The following RFC2 variants were observed in gnomAD, a reference collection of about 807,000 sequenced individuals.
RFC2 encodes A1 40 kDa subunit.
A neutral mutation model predicts 44.8 loss-of-function variants in RFC2; 34 were observed. The ratio of observed to expected loss-of-function variants is 0.76; its 90% confidence interval spans 0.58 to 1.01. RFC2 has a LOEUF of 1.01. Ranked by LOEUF, RFC2 falls within the 50% of genes least tolerant of loss-of-function variation. The pLI is 0.00. For missense variants in RFC2, 400 were observed against 453.6 expected (o/e 0.88, Z 1.07); for synonymous variants, 177 against 168.9 (o/e 1.05, Z -0.37).
chr7:74,244,643 A>G (rs1195570567), intron 5 of RFC2, among the ~76,000 whole-genome samples: 1 of 150,974 alleles, frequency 6.6e-6, no homozygotes, highest in Non-Finnish European at 1.5e-5. Context: ...TGCTGGGATT[A>G]CAGGTGTGAG....
chr7:74,236,835 T>G (rs1803037219), intron 9 of RFC2, among the ~76,000 whole-genome samples: 1 of 152,180 alleles, frequency 6.6e-6, no homozygotes, highest in African/African-American at 2.4e-5. Flanking sequence ...GACATGTGCC[T>G]GTAGTCCCAG....
chr7:74,247,741 A>G (rs577124517), intron 4 of RFC2, among the ~76,000 whole-genome samples: 1 of 152,310 alleles, frequency 6.6e-6, no homozygotes, highest in South Asian at 2.1e-4. Context: ...ATTGATCAAT[A>G]AGCAAAATCT....
In RFC2 at chr7:74,254,364, C is replaced by G. The variant is rs782149081; in HGVS notation, c.20G>C (p.Cys7Ser). 33 of 1,607,790 alleles carry G rather than the reference C, an allele frequency of 2.1e-5. No individual in the cohort carries two copies. Among genetic ancestry groups the G allele is most frequent in the Non-Finnish European group, 2.7e-5 (32 of 1,177,244 alleles). ...GGCCTCCACCTCGCCCGCGCCACCA[C>G]AGACGGCCTCCACCTCCATTCTCGC... MEVEAV[C>S]GGAGEVEAQD... is the part of the protein sequence containing the mutation. Residue 7 changes from cysteine to serine, a missense_variant, in exon 1 of 11, where the codon TGT (cysteine) becomes TCT (serine). Coordinates refer to ENST00000055077, the MANE Select transcript of RFC2 (RefSeq NM_181471.3).
intron 2 of RFC2, among the ~76,000 whole-genome samples, chr7:74,251,252 G>C (rs1186496370): frequency 6.6e-6 from 1 of 152,114 alleles, no homozygotes; most frequent in Non-Finnish European, 1.5e-5. Flanking sequence ...CTGGGCTCAA[G>C]GGATCCTCCT....
At chr7:74,237,315 C>T (rs981831685) in intron 9 of RFC2, 47 bp downstream of exon 9, 3 of 1,373,212 alleles carry the variant, frequency 2.2e-6, no homozygotes, top group Admixed American at 1.9e-5. Flanking sequence ...CTCCTCTGCC[C>T]AAGAAGTGAG....
At chr7:74,237,265 T>C in intron 9 of RFC2, 97 bp downstream of exon 9, 2 of 741,362 alleles carry the variant, frequency 2.7e-6, no homozygotes, top group Non-Finnish European at 4.8e-6. Context: ...ATGAATGGAG[T>C]GATGTGTATA....
intron 7 of RFC2, among the ~76,000 whole-genome samples, chr7:74,239,630 C>T (rs1201355464): frequency 6.6e-6 from 1 of 152,144 alleles, no homozygotes; most frequent in African/African-American, 2.4e-5. Flanking sequence ...TGTGCCTGGC[C>T]ATGCCTGGCT....
intron 2 of RFC2, among the ~76,000 whole-genome samples, chr7:74,252,124 A>T (rs1214195757): frequency 7.7e-6 from 1 of 129,486 alleles, no homozygotes; most frequent in Non-Finnish European, 1.6e-5. Flanking sequence ...AAAAAAAAAA[A>T]AGGCCAGGTG....
At chr7:74,243,492 C>T (rs959191096) in intron 5 of RFC2, among the ~76,000 whole-genome samples, 1 of 152,100 alleles carries the variant, frequency 6.6e-6, no homozygotes, top group African/African-American at 2.4e-5. Context: ...CCACGATCTA[C>T]AAGGGCTGCC....
At chr7:74,235,750 G>A (rs1267576569) in intron 9 of RFC2, 105 bp from the exon 10 acceptor site, 8 of 742,608 alleles carry the variant, frequency 1.1e-5, no homozygotes, top group Admixed American at 2.0e-5. Flanking sequence ...CAGGTCACAT[G>A]GGGGTACCTT....
chr7:74,245,536 C>A (rs1803552647), intron 5 of RFC2, among the ~76,000 whole-genome samples: 1 of 145,722 alleles, frequency 6.9e-6, no homozygotes, highest in Admixed American at 7.0e-5. Flanking sequence ...CACAGTGAAA[C>A]CCCGTCTCTA....
chr7:74,237,285 G>T, intron 9 of RFC2, 77 bp downstream of exon 9: 1 of 927,350 alleles, frequency 1.1e-6, no homozygotes, highest in Non-Finnish European at 1.7e-6. Context: ...AATGTCCCTG[G>T]TACCAGAAGG....
chr7:74,232,381 G>A (rs1802782224), intron 10 of RFC2, among the ~76,000 whole-genome samples, 165 bp from the exon 11 acceptor site: 1 of 150,062 alleles, frequency 6.7e-6, no homozygotes, highest in South Asian at 2.1e-4. Context: ...ATGCTAAGAT[G>A]CAATGGATTA....
intron 6 of RFC2, among the ~76,000 whole-genome samples, chr7:74,242,284 G>C (rs1327940587): frequency 6.6e-6 from 1 of 152,182 alleles, no homozygotes; most frequent in African/African-American, 2.4e-5. Context: ...AAGAGTGCAA[G>C]AGGGTGATAG....
chr7:74,252,922 T>G (rs1378823083), intron 1 of RFC2, among the ~76,000 whole-genome samples: 1 of 152,106 alleles, frequency 6.6e-6, no homozygotes, highest in Non-Finnish European at 1.5e-5. Context: ...GGCTACAGAG[T>G]GAGACTCTGT....
intron 10 of RFC2, among the ~76,000 whole-genome samples, chr7:74,233,500 T>G (rs1314920771): frequency 1.8e-4 from 28 of 152,088 alleles, no homozygotes; most frequent in African/African-American, 6.3e-4. Context: ...AGCACATGAT[T>G]AAATGTTCAG....
At chr7:74,252,305 G>C (rs548048008) in intron 2 of RFC2, 124 bp downstream of exon 2, 3 of 580,402 alleles carry the variant, frequency 5.2e-6, no homozygotes, top group South Asian at 5.1e-5. Context: ...TACTGGGGAG[G>C]CTGAGGCAGG....
chr7:74,236,961 CATAAATAA>C (rs111555840), intron 9 of RFC2, among the ~76,000 whole-genome samples: 2 of 151,326 alleles, frequency 1.3e-5, no homozygotes, highest in African/African-American at 2.4e-5. Flanking sequence ...CCTGTTTCTA[CATAAATAA>C]ATAAATAAAT....
chr7:74,250,876 C>T (rs1469607529), intron 2 of RFC2, among the ~76,000 whole-genome samples: 1 of 152,100 alleles, frequency 6.6e-6, no homozygotes, highest in East Asian at 1.9e-4. Context: ...GCAACCTCCG[C>T]CTCCCGGGTT....
Sources: allele counts gnomAD v4.1 joint callset (sites outside exome capture counted in the v4.1 genomes callset), GRCh38; gene constraint gnomAD v4.1.1; transcripts MANE v1.5; gene names NCBI Gene and HGNC (gene_info 2026-07-23, HGNC 2026-07-21).